Variants in CFAP65 observed in about 807,000 individuals in gnomAD.
CFAP65 encodes the protein cilia and flagella associated protein 65.
A neutral mutation model predicts 208.0 loss-of-function variants in CFAP65; 155 were observed. The observed-to-expected ratio is 0.75, with a 90% CI of 0.65 to 0.85. The LOEUF (loss-of-function observed/expected upper bound fraction) is 0.85, where lower values mean the gene tolerates loss of function less well. CFAP65 is among the 40% of genes least tolerant of loss of function. The probability of loss-of-function intolerance (pLI) is 0.00; values close to 1 mark genes in which losing one functional copy is unlikely to be tolerated. For synonymous variants in CFAP65, 970 were observed against 986.3 expected, an observed-to-expected ratio of 0.98 and a Z score of 0.31; for missense variants, 2,294 against 2,451.3, an observed-to-expected ratio of 0.94 and a Z score of 1.36.
In CFAP65 at chr2:219,005,855, C is replaced by A. The variant is rs1399373189; in HGVS notation, c.4922+166G>T. On this transcript the variant is annotated intron_variant, in intron 31 of 34. Transcript: ENST00000341552. ...TGCTTTGTCCCCCTCCTAAAAGGGC[C>A]TAAGCAGTAATGGGGCATCCTGGGC... 4.6e-5 allele frequency among the ~76,000 whole-genome samples: 7 copies of A among 152,182 alleles called. 1 individual carries two copies. The highest frequency in any genetic ancestry group is 1.7e-4 in the African/African-American group (7 of 41,456).
chr2:219,039,086 C>T, intron 2 of CFAP65, 36 bp from the exon 3 acceptor site: 2 of 1,552,604 alleles, frequency 1.3e-6, no homozygotes, highest in Non-Finnish European at 1.7e-6. Flanking sequence ...GTCAATCCAT[C>T]TCCAGAGCAG....
rs1559168303 is a variant in CFAP65 at position 219,038,567 on chromosome 2, C to CGA, written c.164_165insTC (p.Gln55HisfsTer13). 6.2e-7 allele frequency: 1 copy of CGA among 1,613,746 alleles called. No homozygotes were observed. Among genetic ancestry groups the CGA allele is most frequent in the African/African-American group, 1.3e-5 (1 of 75,030 alleles). ...TGGGACACAGTCCAAAGGGAGCACT[C>CGA]TGAGTATGGAGCTGGGAAGAGAGCA... is the stretch of plus-strand genomic sequence containing the variant. On this transcript the variant is annotated frameshift_variant, in exon 4 of 35. Coordinates refer to ENST00000341552, the MANE Select transcript of CFAP65 (RefSeq NM_194302.4). LOFTEE classifies it high-confidence loss of function.
At position 219,002,948 on chromosome 2, in the gene CFAP65, C is replaced by T. The variant is rs2106030575; in HGVS notation, c.5767G>A (p.Asp1923Asn). The T allele has an allele frequency of 1.3e-6, 2 of 1,566,092 alleles. No homozygotes were observed. Among genetic ancestry groups the T allele is most frequent in the South Asian group, 2.4e-5 (2 of 85,100 alleles). Residue 1923 changes from aspartate (D) to asparagine (N), a missense_variant, in exon 35 of 35, where the codon GAC becomes AAC. Asp to Asn is a conservative substitution (Grantham distance 23, BLOSUM62 1). This residue lies in a region of CFAP65 where 1,427 missense variants were observed against 1,438.7 expected (regional missense o/e 0.99). Coordinates refer to ENST00000341552, the MANE Select transcript of CFAP65 (RefSeq NM_194302.4). The surrounding 1 kb of genome is among the most constrained non-coding windows in gnomAD (Gnocchi z 7.9). ...VLHPVVPLPTDLP is the reference protein window; with the variant it reads ...VLHPVVPLPTNLP The stretch of plus-strand genomic sequence containing the variant: ...CTGGGCGCGGGCATTTACGGAAGGT[C>T]GGTAGGAAGTGGCACCACCGGGTGG...
chr2:219,041,438 GC>G (rs1320509651), intron 1 of CFAP65, 49 bp downstream of exon 1: 2 of 1,547,044 alleles, frequency 1.3e-6, no homozygotes, highest in Non-Finnish European at 1.7e-6. Context: ...CTGGCCACTC[GC>G]GCCGCTCCCT....
chr2:219,029,971 T>C lies in CFAP65; in HGVS notation c.1384+15A>G. ...TGCTCCTGTCCCCAGGGGAGGCCCC[T>C]GGGGTCACCGGTACCTCTACAGAAA... is the stretch of plus-strand genomic sequence containing the variant. On this transcript the variant is annotated intron_variant, in intron 10 of 34. Transcript: ENST00000341552. 1 of 1,611,616 alleles carries C rather than the reference T, an allele frequency of 6.2e-7. No homozygotes were observed. The highest frequency in any genetic ancestry group is 2.2e-5 in the East Asian group (1 of 44,820).
chr2:219,014,736 A>ACACACCTGAGAGAAAGTGCACAATG (rs1293239733), intron 21 of CFAP65: 10 of 150,610 alleles, frequency 6.6e-5, no homozygotes, highest in African/African-American at 2.5e-4. Context: ...AGTGCCCAAC[A>ACACACCTGAGAGAAAGTGCACAATG]CACACCTGAG....
At chr2:219,021,749 C>A (rs1422118754) in intron 18 of CFAP65, 31 bp downstream of exon 18, 7 of 1,611,292 alleles carry the variant, frequency 4.3e-6, no homozygotes, top group Middle Eastern at 1.7e-4. Context: ...CCCACCTCCC[C>A]TGGCCCCAGT....
chr2:219,004,254 T>TG lies in CFAP65; in HGVS notation c.5252dup (p.Glu1752ArgfsTer18). On this transcript the variant is annotated frameshift_variant, in exon 33 of 35. Coordinates refer to ENST00000341552, the MANE Select transcript of CFAP65 (RefSeq NM_194302.4). LOFTEE classifies it high-confidence loss of function. This position sits in a 1 kb window ranked among gnomAD's most constrained non-coding sequence, Gnocchi z 4.7. ...TCTTTCCCAACCCTGGATAGTGCTC[T>TG]GGTCTGTCTTCCTTCGGCTGCTTGC... The TG allele has an allele frequency of 6.2e-7, 1 of 1,614,120 alleles. No individual in the cohort carries two copies. The highest frequency in any genetic ancestry group is 8.5e-7 in the Non-Finnish European group (1 of 1,180,028).
chr2:219,041,331 C>T, intron 1 of CFAP65, 157 bp downstream of exon 1: 1 of 677,078 alleles, frequency 1.5e-6, no homozygotes, highest in Non-Finnish European at 2.6e-6. Flanking sequence ...ATTGATCTCG[C>T]CCAAGACTCA....
At chr2:219,030,893 G>T in intron 8 of CFAP65, 59 bp from the exon 9 acceptor site, 1 of 1,571,144 alleles carries the variant, frequency 6.4e-7, no homozygotes, top group South Asian at 1.2e-5. Flanking sequence ...GGCCCCAGCT[G>T]AACAGCCCCT....
At chr2:219,036,557 G>A (rs1159951216) in intron 4 of CFAP65, among the ~76,000 whole-genome samples, 3 of 151,098 alleles carry the variant, frequency 2.0e-5, no homozygotes, top group East Asian at 1.9e-4. Flanking sequence ...TGATTTTCTC[G>A]CCTTAGCTTC....
At chr2:219,027,585 C>T (rs1343169354) in intron 13 of CFAP65, 65 bp downstream of exon 13, 1 of 1,613,154 alleles carries the variant, frequency 6.2e-7, no homozygotes, top group Admixed American at 1.7e-5. Flanking sequence ...TTCCTGCCAC[C>T]CCACCAAGCC....
At chr2:219,023,113 G>T in intron 16 of CFAP65, 94 bp downstream of exon 16, 1 of 1,040,104 alleles carries the variant, frequency 9.6e-7, no homozygotes. Flanking sequence ...ATGGAATTGG[G>T]GGCTGCACAT....
chr2:219,018,452 C>G (rs898469334), intron 21 of CFAP65: 2 of 152,724 alleles, frequency 1.3e-5, no homozygotes, highest in Admixed American at 6.5e-5. Context: ...AGACCCTCAA[C>G]TTGCCCCCAT....
chr2:219,006,393 G>A, intron 30 of CFAP65, 72 bp downstream of exon 30: 2 of 1,576,468 alleles, frequency 1.3e-6, no homozygotes, highest in Non-Finnish European at 1.7e-6. Context: ...AGGGGTTGGA[G>A]GTCTCTCTGG....
At chr2:219,013,403 C>A in intron 23 of CFAP65, 34 bp from the exon 24 acceptor site, 1 of 1,561,472 alleles carries the variant, frequency 6.4e-7, no homozygotes. Flanking sequence ...GGAACTGACA[C>A]AGCCAGTGGA....
In CFAP65 at chr2:219,003,897, A is replaced by G. The variant is rs1409536048; in HGVS notation, c.5555+55T>C. 6.4e-7 allele frequency: 1 copy of G among 1,564,850 alleles called. No individual in the cohort carries two copies. The highest frequency in any genetic ancestry group is 8.7e-7 in the Non-Finnish European group (1 of 1,153,198). ...CATCCTTGGCATCCCACTGCCTCCTAGGAACCTTCTGCACTTCGCCTCCCT... is the reference window on the plus strand; with the variant it reads ...CATCCTTGGCATCCCACTGCCTCCTGGGAACCTTCTGCACTTCGCCTCCCT... On this transcript the variant is annotated intron_variant, in intron 33 of 34. Transcript: ENST00000341552. The surrounding 1 kb of genome is among the most constrained non-coding windows in gnomAD (Gnocchi z 4.4).
rs1378164270 is a variant in CFAP65, at chr2:219,031,804, C to A, written c.646-146G>T. On this transcript the variant is annotated intron_variant, in intron 6 of 34. Transcript: ENST00000341552. This position sits in a 1 kb window ranked among gnomAD's most constrained non-coding sequence, Gnocchi z 5.2. ...ACGTCAGACTCTGAGGGGAGCTGGG[C>A]ACCTATGTTGTCTTGGTCTCAAACA... 63 of 897,254 alleles carry A rather than the reference C, an allele frequency of 7.0e-5. No individual in the cohort carries two copies. The Middle Eastern group carries it at 1.4e-3, about 20-fold the overall frequency. 55.6% of individuals were successfully genotyped at this position (897,254 alleles called of 1,614,324 possible). A position where few individuals can be genotyped will look rare whatever the true frequency, so the allele number is the denominator to read the frequency against.
chr2:219,023,597 A>G lies in CFAP65; in HGVS notation c.2596-166T>C, dbSNP rs79856413. Among the ~76,000 whole-genome samples the G allele has an allele frequency of 3.9e-3, 594 of 152,350 alleles. 14 individuals are homozygous for G. The East Asian group carries it at 0.062, about 16-fold the overall frequency. ...GCAGTTTCTGTCAAAAGCAGAGTCA[A>G]TGGTGACTGGCCCAGGAGATAATTC... On this transcript the variant is annotated intron_variant, in intron 15 of 34. Coordinates refer to ENST00000341552, the MANE Select transcript of CFAP65 (RefSeq NM_194302.4).
Sources: allele counts gnomAD v4.1 joint callset (sites outside exome capture counted in the v4.1 genomes callset), GRCh38; gene constraint gnomAD v4.1.1; regional missense constraint gnomAD v4.1.1; non-coding constraint Gnocchi (gnomAD v3.1); transcripts MANE v1.5; gene names NCBI Gene and HGNC (gene_info 2026-07-23, HGNC 2026-07-21).